The following PTTG1IP2 variants were observed in gnomAD, a reference collection of about 807,000 sequenced individuals.
PTTG1IP2 encodes the protein PTTG1IP family member 2.
At chr7:90,504,345 G>A (rs1003668295) in intron 6 of PTTG1IP2, among the ~76,000 whole-genome samples, 6 of 151,990 alleles carry the variant, frequency 3.9e-5, no homozygotes, top group Non-Finnish European at 7.4e-5. Context: ...CATCTAATGG[G>A]ACAGAGTGGG....
intron 6 of PTTG1IP2, among the ~76,000 whole-genome samples, chr7:90,498,166 C>A (rs1033748200): frequency 5.9e-5 from 9 of 152,182 alleles, no homozygotes; most frequent in Non-Finnish European, 1.0e-4. Flanking sequence ...GCTGGGACTA[C>A]AGGCGCCCGC....
intron 6 of PTTG1IP2, among the ~76,000 whole-genome samples, chr7:90,498,988 C>A (rs1403665849): frequency 6.6e-6 from 1 of 152,080 alleles, no homozygotes; most frequent in Non-Finnish European, 1.5e-5. Context: ...AGTATCCAAG[C>A]CTACAGATGC....
Position 90,474,722 on chromosome 7 carries a change from C to G in PTTG1IP2, c.146-4506C>G, listed in dbSNP as rs188717347. ...AACACACTGAATCTGGCAGCATGTCCCAGTCCTCACCCACACCACAGAGGT... is the reference window on the plus strand; with the variant it reads ...AACACACTGAATCTGGCAGCATGTCGCAGTCCTCACCCACACCACAGAGGT... On this transcript the variant is annotated intron_variant, in intron 1 of 6. Transcript: ENST00000509356. 2.4e-3 allele frequency among the ~76,000 whole-genome samples: 362 copies of G among 152,268 alleles called. 1 individual carries two copies. The highest frequency in any genetic ancestry group is 8.2e-3 in the African/African-American group (340 of 41,546).
chr7:90,470,417 G>A (rs1428215507), intron 1 of PTTG1IP2: 1 of 152,146 alleles, frequency 6.6e-6, no homozygotes. Flanking sequence ...AAGTCATGCT[G>A]AGTTAAATTC....
At chr7:90,508,452 A>G (rs1403656405) in intron 6 of PTTG1IP2, among the ~76,000 whole-genome samples, 1 of 152,022 alleles carries the variant, frequency 6.6e-6, no homozygotes, top group Non-Finnish European at 1.5e-5. Flanking sequence ...GGCAGATTGG[A>G]GCTGCTAGGG....
intron 2 of PTTG1IP2, among the ~76,000 whole-genome samples, chr7:90,483,589 T>G (rs1797837807): frequency 6.6e-6 from 1 of 152,194 alleles, no homozygotes; most frequent in Non-Finnish European, 1.5e-5. Context: ...AAGTACTTAT[T>G]CTGTGCTTAT....
intron 6 of PTTG1IP2, among the ~76,000 whole-genome samples, chr7:90,499,453 G>T (rs565776821): frequency 6.6e-6 from 1 of 152,026 alleles, no homozygotes; most frequent in Admixed American, 6.5e-5. Context: ...TATTGTAGGG[G>T]GACAATGTAA....
chr7:90,482,305 G>A (rs567461389), intron 2 of PTTG1IP2, among the ~76,000 whole-genome samples: 1 of 152,164 alleles, frequency 6.6e-6, no homozygotes, highest in Admixed American at 6.5e-5. Context: ...CGTGGACTTG[G>A]AGAGAATATA....
chr7:90,471,498 T>C (rs1797687023), intron 1 of PTTG1IP2, among the ~76,000 whole-genome samples: 1 of 152,194 alleles, frequency 6.6e-6, no homozygotes, highest in African/African-American at 2.4e-5. Flanking sequence ...ATCTAATGAC[T>C]GGATTAAAAA....
At chr7:90,509,781 A>G (rs971419585) in intron 6 of PTTG1IP2, among the ~76,000 whole-genome samples, 3 of 152,140 alleles carry the variant, frequency 2.0e-5, no homozygotes, top group Non-Finnish European at 4.4e-5. Context: ...GTGGGCTGGG[A>G]CACACAGTGC....
chr7:90,474,994 G>T (rs1797730607), intron 1 of PTTG1IP2, among the ~76,000 whole-genome samples: 1 of 152,172 alleles, frequency 6.6e-6, no homozygotes. Flanking sequence ...TAGACAGTGA[G>T]ACTCAATGGA....
chr7:90,487,461 ATTGAC>A (rs1461113087), intron 3 of PTTG1IP2, 41 bp downstream of exon 3: 1 of 152,586 alleles, frequency 6.6e-6, no homozygotes, highest in Non-Finnish European at 1.5e-5. Flanking sequence ...CTTTATTTCA[ATTGAC>A]TTGCAAATGC....
intron 1 of PTTG1IP2, among the ~76,000 whole-genome samples, chr7:90,476,747 T>C (rs1373275557): frequency 1.3e-5 from 2 of 152,068 alleles, no homozygotes; most frequent in Non-Finnish European, 2.9e-5. Flanking sequence ...CAAACCTTTA[T>C]TCACCTAACA....
chr7:90,473,019 C>T (rs1161381266), intron 1 of PTTG1IP2, among the ~76,000 whole-genome samples: 2 of 152,140 alleles, frequency 1.3e-5, no homozygotes, highest in Non-Finnish European at 2.9e-5. Context: ...ATATTAGGAA[C>T]TTGTGACTCA....
At chr7:90,493,822 TC>T (rs1169295573) in intron 5 of PTTG1IP2, among the ~76,000 whole-genome samples, 1 of 152,176 alleles carries the variant, frequency 6.6e-6, no homozygotes, top group East Asian at 1.9e-4. Context: ...TTCATAAGTG[TC>T]CTCTGGACTT....
At chr7:90,492,204 T>G (rs1159690085) in intron 4 of PTTG1IP2, 35 bp from the exon 5 acceptor site, 2 of 152,190 alleles carry the variant, frequency 1.3e-5, no homozygotes, top group African/African-American at 4.8e-5. Context: ...CTTGTACTGT[T>G]CTGAAAATAA....
intron 6 of PTTG1IP2, among the ~76,000 whole-genome samples, chr7:90,496,117 T>G (rs1797987671): frequency 6.6e-6 from 1 of 152,240 alleles, no homozygotes; most frequent in South Asian, 2.1e-4. Context: ...GCAATTTTCT[T>G]TTCTCATAGT....
intron 6 of PTTG1IP2, among the ~76,000 whole-genome samples, chr7:90,507,415 G>A: frequency 6.6e-6 from 1 of 152,052 alleles, no homozygotes; most frequent in East Asian, 1.9e-4. Flanking sequence ...TGAAACCTAA[G>A]GTAAATTGTT....
intron 6 of PTTG1IP2, among the ~76,000 whole-genome samples, chr7:90,498,087 A>G (rs1399697548): frequency 6.6e-6 from 1 of 151,414 alleles, no homozygotes; most frequent in East Asian, 1.9e-4. Context: ...GTGCAGTGGC[A>G]CGATCTCGGC....
Sources: gnomAD v4.1 joint callset for allele counts (sites outside exome capture counted in the v4.1 genomes callset) on GRCh38, gnomAD v4.1.1 for gene constraint, MANE v1.5 for transcripts, NCBI Gene and HGNC (gene_info 2026-07-23, HGNC 2026-07-21) for gene names.